LRP1B: variants seen among roughly 807,000 people sequenced by gnomAD.
The protein encoded by LRP1B is LDL receptor related protein 1B, also known as low-density lipoprotein receptor-related protein 1B.
Under a neutral mutation model 556.6 loss-of-function variants are expected in LRP1B, and 217 were observed. That is an observed-to-expected ratio of 0.39 (90% confidence interval 0.35 to 0.44). The LOEUF is 0.44. LRP1B is among the 20% of genes least tolerant of loss of function. LRP1B has a pLI of 1.00. For synonymous variants in LRP1B, 2,047 were observed against 1,865.8 expected (o/e 1.10, Z -2.50); for missense variants, 5,053 against 5,620.8 (o/e 0.90, Z 3.23).
chr2:141,984,226 GT>G (rs1702122507), intron 1 of LRP1B, among the ~76,000 whole-genome samples: 1 of 151,994 alleles, frequency 6.6e-6, no homozygotes, highest in South Asian at 2.1e-4. Context: ...TGTTACATGT[GT>G]ATACATGTGC....
intron 37 of LRP1B, among the ~76,000 whole-genome samples, chr2:140,714,496 T>C (rs1574272990): frequency 6.6e-6 from 1 of 152,062 alleles, no homozygotes; most frequent in South Asian, 2.1e-4. Context: ...AATCCACAGA[T>C]TGACATGTAG....
chr2:141,461,355 C>T (rs1345861243), intron 3 of LRP1B, among the ~76,000 whole-genome samples: 1 of 152,068 alleles, frequency 6.6e-6, no homozygotes, highest in Non-Finnish European at 1.5e-5. Context: ...TACTGATGAA[C>T]TTGACAAGGC....
chr2:140,574,402 A>G (rs866569498), intron 43 of LRP1B, among the ~76,000 whole-genome samples: 2 of 152,184 alleles, frequency 1.3e-5, no homozygotes, highest in Non-Finnish European at 2.9e-5. Flanking sequence ...TGACCATTCT[A>G]CACAATGTGC....
chr2:141,601,383 G>T (rs556028779), intron 2 of LRP1B, among the ~76,000 whole-genome samples: 1 of 152,218 alleles, frequency 6.6e-6, no homozygotes, highest in African/African-American at 2.4e-5. Flanking sequence ...GTGCAATTAT[G>T]GATTCAACAT....
chr2:141,254,675 TA>T, intron 3 of LRP1B, 34 bp from the exon 4 acceptor site: 1 of 1,487,854 alleles, frequency 6.7e-7, no homozygotes, highest in Non-Finnish European at 9.3e-7. Context: ...TCTCTATATT[TA>T]ACTGTATATG....
intron 2 of LRP1B, among the ~76,000 whole-genome samples, chr2:141,741,233 G>A (rs528313753): frequency 1.7e-4 from 24 of 141,998 alleles, no homozygotes; most frequent in African/African-American, 5.6e-4. Flanking sequence ...AAACACAGGC[G>A]TGCAGTTATC....
chr2:141,593,020 T>C (rs997835636), intron 2 of LRP1B, among the ~76,000 whole-genome samples: 1 of 152,154 alleles, frequency 6.6e-6, no homozygotes, highest in Admixed American at 6.6e-5. Flanking sequence ...CAGGACAAGT[T>C]TTCTGAAGTT....
intron 7 of LRP1B, among the ~76,000 whole-genome samples, chr2:141,180,427 T>C (rs894668507): frequency 1.3e-5 from 2 of 151,866 alleles, no homozygotes; most frequent in Non-Finnish European, 2.9e-5. Context: ...CACAAACACT[T>C]CAAATATGTA....
intron 2 of LRP1B, among the ~76,000 whole-genome samples, chr2:141,760,087 A>G (rs900969548): frequency 2.6e-5 from 4 of 152,144 alleles, no homozygotes; most frequent in African/African-American, 9.7e-5. Flanking sequence ...CTACTTGTGG[A>G]AATTTACTTC....
chr2:140,612,135 A>G (rs1188942412), intron 41 of LRP1B, among the ~76,000 whole-genome samples: 11 of 152,158 alleles, frequency 7.2e-5, no homozygotes, highest in Admixed American at 6.5e-4. Context: ...TACAAAAAGA[A>G]GAATCCTAGT....
At chr2:141,882,356 TACG>T (rs1468180307) in intron 1 of LRP1B, among the ~76,000 whole-genome samples, 1 of 152,076 alleles carries the variant, frequency 6.6e-6, no homozygotes, top group Non-Finnish European at 1.5e-5. Flanking sequence ...ATTTGAAGAT[TACG>T]ACAACAGAAC....
intron 2 of LRP1B, among the ~76,000 whole-genome samples, chr2:141,657,283 A>G (rs1164805237): frequency 6.6e-6 from 1 of 152,158 alleles, no homozygotes; most frequent in Admixed American, 6.5e-5. Flanking sequence ...AATGAATTCA[A>G]TCTTGAATGG....
intron 2 of LRP1B, among the ~76,000 whole-genome samples, chr2:141,650,894 A>G (rs1485746797): frequency 1.3e-5 from 2 of 152,158 alleles, no homozygotes; most frequent in African/African-American, 2.4e-5. Flanking sequence ...ATTTCTTGAT[A>G]TGTTTGTTCA....
At chr2:141,413,163 G>T (rs1690919528) in intron 3 of LRP1B, among the ~76,000 whole-genome samples, 1 of 152,148 alleles carries the variant, frequency 6.6e-6, no homozygotes, top group South Asian at 2.1e-4. Flanking sequence ...GGAGTTCAAG[G>T]CTGCAGGGAG....
At chr2:142,042,792 A>G (rs1036503754) in intron 1 of LRP1B, among the ~76,000 whole-genome samples, 1 of 151,604 alleles carries the variant, frequency 6.6e-6, no homozygotes, top group African/African-American at 2.4e-5. Context: ...GGATAGAAGA[A>G]TCTAATTTCT....
intron 7 of LRP1B, among the ~76,000 whole-genome samples, chr2:141,069,015 GGAA>G (rs754797282): frequency 5.3e-5 from 8 of 151,766 alleles, no homozygotes; most frequent in Non-Finnish European, 8.8e-5. Flanking sequence ...GAAAATATAA[GGAA>G]GAAGAACATT....
chr2:140,651,759 T>C (rs1684697061), intron 41 of LRP1B, among the ~76,000 whole-genome samples: 1 of 152,054 alleles, frequency 6.6e-6, no homozygotes, highest in Non-Finnish European at 1.5e-5. Flanking sequence ...TTAGGAGACA[T>C]ATACATCACA....
chr2:140,821,607 C>G lies in LRP1B; in HGVS notation c.5210-7801G>C, dbSNP rs371478795. 6.5e-4 allele frequency among the ~76,000 whole-genome samples: 99 copies of G among 152,252 alleles called. No individual in the cohort carries two copies. The South Asian group carries it at 0.018, about 27-fold the overall frequency. On this transcript the variant is annotated intron_variant, in intron 31 of 90. Transcript: ENST00000389484. The stretch of plus-strand genomic sequence containing the variant: ...GGGAAAAAGTGCTTAAGAATGTTAT[C>G]TATGAATATAATTCACACTCTACTT...
At chr2:141,412,503 C>T (rs749052923) in intron 3 of LRP1B, among the ~76,000 whole-genome samples, 1 of 152,160 alleles carries the variant, frequency 6.6e-6, no homozygotes, top group Non-Finnish European at 1.5e-5. Flanking sequence ...AGTGCTTCCT[C>T]TCAACTATAT....
Sources: gnomAD v4.1 joint callset for allele counts (sites outside exome capture counted in the v4.1 genomes callset) on GRCh38, gnomAD v4.1.1 for gene constraint, MANE v1.5 for transcripts, NCBI Gene and HGNC (gene_info 2026-07-23, HGNC 2026-07-21) for gene names.